The following MICU3 variants were observed in gnomAD, a reference collection of about 807,000 sequenced individuals.
MICU3 encodes the protein mitochondrial calcium uptake 3, also known as calcium uptake protein 3, mitochondrial.
In MICU3, 62 loss-of-function variants were observed where a neutral mutation model predicts 66.5. The ratio of observed to expected loss-of-function variants is 0.93; its 90% CI spans 0.76 to 1.15. The LOEUF (loss-of-function observed/expected upper bound fraction) is 1.15, where lower values mean the gene tolerates loss of function less well. MICU3 is among the 50% of genes most tolerant of loss of function. The probability of loss-of-function intolerance (pLI) is 0.00; values close to 1 mark genes in which losing one functional copy is unlikely to be tolerated. For missense variants in MICU3, 779 were observed against 664.4 expected (o/e 1.17, Z -1.90); for synonymous variants, 308 against 240.7 (o/e 1.28, Z -2.59).
downstream of MICU3, among the ~76,000 whole-genome samples, chr8:17,123,103 A>C (rs560192082): frequency 2.0e-5 from 3 of 152,244 alleles, no homozygotes; most frequent in African/African-American, 7.2e-5. Context: ...AACTGTAATA[A>C]AAATTGTAAG....
chr8:17,037,033 G>A (rs1813142352), intron 1 of MICU3, among the ~76,000 whole-genome samples: 1 of 152,238 alleles, frequency 6.6e-6, no homozygotes, highest in South Asian at 2.1e-4. Flanking sequence ...GGGGGACCCA[G>A]TACACCTTCC....
At chr8:17,028,160 CGCCCT>C (rs199878834) in intron 1 of MICU3, among the ~76,000 whole-genome samples, 2,230 of 152,264 alleles carry the variant, frequency 0.015, 27 homozygotes, top group Non-Finnish European at 0.022. Context: ...TGCATGCTAA[CGCCCT>C]TATCATACCC....
In MICU3 at chr8:17,037,191, C is replaced by T. The variant is rs954735173; in HGVS notation, c.381+9531C>T. On this transcript the variant is annotated intron_variant, in intron 1 of 14. Transcript: ENST00000318063. ...CACACGCAGCCCCAGTTCCTGCTCG[C>T]GCCTCTCCCTCCATACCTCCCTGCA... is the stretch of plus-strand genomic sequence containing the variant. 1.4e-4 allele frequency among the ~76,000 whole-genome samples: 21 copies of T among 152,296 alleles called. No homozygotes were observed. The East Asian group carries it at 1.6e-3, about 11-fold the overall frequency.
At chr8:17,102,223 C>A (rs1459673233) in intron 9 of MICU3, among the ~76,000 whole-genome samples, 2 of 151,908 alleles carry the variant, frequency 1.3e-5, no homozygotes, top group African/African-American at 4.8e-5. Flanking sequence ...AGCTTCCAGA[C>A]AGAGGCGCCT....
chr8:17,029,056 C>CTTGACCTG (rs1156541655), intron 1 of MICU3, among the ~76,000 whole-genome samples: 1 of 152,236 alleles, frequency 6.6e-6, no homozygotes, highest in Admixed American at 6.5e-5. Flanking sequence ...GGAGAAATTA[C>CTTGACCTG]TTGACCTGTC....
At chr8:17,118,203 TTA>T (rs921816076) in intron 13 of MICU3, among the ~76,000 whole-genome samples, 8 of 152,184 alleles carry the variant, frequency 5.3e-5, no homozygotes, top group African/African-American at 1.7e-4. Context: ...CTCTTAAGTG[TTA>T]TGTTTTTATT....
chr8:17,035,583 A>AT (rs1298821466), intron 1 of MICU3, among the ~76,000 whole-genome samples: 1 of 152,164 alleles, frequency 6.6e-6, no homozygotes, highest in East Asian at 1.9e-4. Flanking sequence ...CCTGCCCTAG[A>AT]GATTTGTGGA....
intron 6 of MICU3, among the ~76,000 whole-genome samples, chr8:17,085,527 T>G (rs1799378415): frequency 6.6e-6 from 1 of 152,110 alleles, no homozygotes; most frequent in Non-Finnish European, 1.5e-5. Context: ...ATGATGATTA[T>G]CGTTGTTTTT....
chr8:17,086,229 A>G (rs1053889243), intron 6 of MICU3, among the ~76,000 whole-genome samples: 1 of 152,122 alleles, frequency 6.6e-6, no homozygotes, highest in Non-Finnish European at 1.5e-5. Context: ...AAAGAGCTTC[A>G]TATTTACTTC....
At chr8:17,043,084 C>T (rs10108015) in intron 1 of MICU3, among the ~76,000 whole-genome samples, 22,120 of 150,834 alleles carry the variant, frequency 0.15, 3,346 homozygotes, top group African/African-American at 0.39. Flanking sequence ...GGACTACAGG[C>T]GCCCACCACC....
intron 1 of MICU3, among the ~76,000 whole-genome samples, chr8:17,048,599 A>T (rs1200515746): frequency 6.6e-6 from 1 of 152,178 alleles, no homozygotes; most frequent in African/African-American, 2.4e-5. Flanking sequence ...AATCTTCTTC[A>T]CAACTACCAC....
intron 11 of MICU3, among the ~76,000 whole-genome samples, chr8:17,110,972 T>C (rs1432511752): frequency 6.6e-6 from 1 of 152,208 alleles, no homozygotes; most frequent in African/African-American, 2.4e-5. Flanking sequence ...TTTATGTAAA[T>C]ACCACAATTT....
intron 1 of MICU3, among the ~76,000 whole-genome samples, chr8:17,041,602 T>G (rs1354152393): frequency 6.6e-6 from 1 of 152,154 alleles, no homozygotes; most frequent in East Asian, 1.9e-4. Context: ...GATTTTTTTT[T>G]TTTAAGATGG....
At chr8:17,101,220 T>C (rs745946520) in intron 9 of MICU3, among the ~76,000 whole-genome samples, 6 of 151,792 alleles carry the variant, frequency 4.0e-5, no homozygotes, top group Non-Finnish European at 7.4e-5. Context: ...TGGGGTTCTT[T>C]GGTGGCTTTT....
At chr8:17,115,187 CTAAGTGCTGATGA>C (rs1563398926) in intron 12 of MICU3, among the ~76,000 whole-genome samples, 1 of 151,808 alleles carries the variant, frequency 6.6e-6, no homozygotes, top group Non-Finnish European at 1.5e-5. Flanking sequence ...ACTGCAGTCC[CTAAGTGCTGATGA>C]TAATTTCTCT....
chr8:17,060,040 G>A (rs1462400327), intron 1 of MICU3, among the ~76,000 whole-genome samples: 5 of 152,146 alleles, frequency 3.3e-5, no homozygotes, highest in Admixed American at 1.3e-4. Flanking sequence ...AGATTGACAG[G>A]TACAGTGTTG....
chr8:17,089,799 A>C (rs895910275), intron 7 of MICU3, among the ~76,000 whole-genome samples: 1 of 152,098 alleles, frequency 6.6e-6, no homozygotes, highest in Admixed American at 6.6e-5. Flanking sequence ...TGTAATAAAC[A>C]CTCAAAAAGG....
intron 7 of MICU3, among the ~76,000 whole-genome samples, chr8:17,089,807 AG>A (rs1321904707): frequency 6.6e-6 from 1 of 152,132 alleles, no homozygotes; most frequent in Non-Finnish European, 1.5e-5. Context: ...ACACTCAAAA[AG>A]GTTAGCTAGT....
intron 4 of MICU3, among the ~76,000 whole-genome samples, chr8:17,078,237 C>T (rs1047233513): frequency 4.6e-5 from 7 of 151,790 alleles, no homozygotes; most frequent in Non-Finnish European, 8.8e-5. Context: ...ATTTTTCTTC[C>T]TTCCATTTTG....
Sources: gnomAD v4.1 joint callset for allele counts (sites outside exome capture counted in the v4.1 genomes callset) on GRCh38, gnomAD v4.1.1 for gene constraint, MANE v1.5 for transcripts, NCBI Gene and HGNC (gene_info 2026-07-23, HGNC 2026-07-21) for gene names.